CSNK2A2: variants seen among roughly 807,000 people sequenced by gnomAD.
The protein encoded by CSNK2A2 is casein kinase 2 alpha 2.
A neutral mutation model predicts 54.0 loss-of-function variants in CSNK2A2; 8 were observed. The observed-to-expected ratio is 0.15, with a 90% confidence interval of 0.09 to 0.27. The LOEUF (loss-of-function observed/expected upper bound fraction) is 0.27. CSNK2A2 is among the 10% of genes least tolerant of loss of function. The probability of loss-of-function intolerance (pLI) is 1.00; values close to 1 mark genes in which losing one functional copy is unlikely to be tolerated. For missense variants in CSNK2A2, 242 were observed against 439.4 expected (o/e 0.55, Z 4.02); for synonymous variants, 141 against 153.9 (o/e 0.92, Z 0.62).
rs1320020045 is a variant in CSNK2A2 at position 58,198,096 on chromosome 16, A to G, written c.-360T>C. Reference sequence around the variant, plus strand: ...GGCAGCGGCGGCGGCAGCGGAGAAGAAGGAGGAGAGGAGGAGGAGGCGGAG... The same window carrying G: ...GGCAGCGGCGGCGGCAGCGGAGAAGGAGGAGGAGAGGAGGAGGAGGCGGAG... On this transcript the variant is annotated 5_prime_UTR_variant, in exon 1 of 12. Transcript: ENST00000262506. 2.7e-5 allele frequency among the ~76,000 whole-genome samples: 4 copies of G among 146,182 alleles called. No individual in the cohort carries two copies. In the South Asian group the frequency reaches 6.3e-4, roughly 23 times the overall value.
chr16:58,168,259 C>A (rs1961626587), intron 6 of CSNK2A2, among the ~76,000 whole-genome samples: 2 of 152,008 alleles, frequency 1.3e-5, no homozygotes, highest in Non-Finnish European at 1.5e-5. Flanking sequence ...AGTTGGATAT[C>A]AAAAATAGGA....
chr16:58,164,398 T>C (rs148375767), intron 10 of CSNK2A2, among the ~76,000 whole-genome samples: 36 of 152,338 alleles, frequency 2.4e-4, no homozygotes, highest in African/African-American at 7.5e-4. Flanking sequence ...CTAAGAGGCA[T>C]AGAAACTCTA....
intron 6 of CSNK2A2, among the ~76,000 whole-genome samples, chr16:58,168,121 C>A (rs1961619860): frequency 6.6e-6 from 1 of 152,086 alleles, no homozygotes; most frequent in African/African-American, 2.4e-5. Flanking sequence ...CATAGCTTTT[C>A]GTTATAAGCT....
rs1962139551 is a variant in CSNK2A2, at chr16:58,184,418, T to C, written c.319-108A>G. The C allele has an allele frequency of 5.6e-6, 4 of 711,746 alleles. No individual in the cohort carries two copies. In the Admixed American group the frequency reaches 1.0e-4, roughly 18 times the overall value. 44.1% of individuals were successfully genotyped at this position (711,746 alleles called of 1,614,324 possible). A position where few individuals can be genotyped will look rare whatever the true frequency, so the allele number is the denominator to read the frequency against. ...AATCCTACTTAGGTAACACAGGGATTCACTCATCAGGGACAGCCTGTCAAG... is the reference window on the plus strand; with the variant it reads ...AATCCTACTTAGGTAACACAGGGATCCACTCATCAGGGACAGCCTGTCAAG... On this transcript the variant is annotated intron_variant, in intron 3 of 11. Coordinates refer to ENST00000262506, the MANE Select transcript of CSNK2A2 (RefSeq NM_001896.4).
intron 5 of CSNK2A2, among the ~76,000 whole-genome samples, chr16:58,170,885 A>G (rs1961716104): frequency 6.6e-6 from 1 of 152,102 alleles, no homozygotes; most frequent in Non-Finnish European, 1.5e-5. Context: ...CATAATAACT[A>G]TCTTCATAAA....
At chr16:58,180,078 C>CAAAAAAA (rs71385152) in intron 4 of CSNK2A2, among the ~76,000 whole-genome samples, 1 of 90,996 alleles carries the variant, frequency 1.1e-5, no homozygotes, top group African/African-American at 3.9e-5. Context: ...GACTCCTTCT[C>CAAAAAAA]AAAAAAAAAA....
At chr16:58,167,042 C>G (rs1193860967) in intron 8 of CSNK2A2, among the ~76,000 whole-genome samples, 165 bp downstream of exon 8, 1 of 152,190 alleles carries the variant, frequency 6.6e-6, no homozygotes, top group Non-Finnish European at 1.5e-5. Context: ...TCTACTTCTG[C>G]GGACCTGGTA....
chr16:58,178,458 T>C (rs1351650171), intron 4 of CSNK2A2, among the ~76,000 whole-genome samples: 1 of 152,120 alleles, frequency 6.6e-6, no homozygotes, highest in East Asian at 1.9e-4. Flanking sequence ...AATTTTTTTG[T>C]ATTTTTAGTG....
chr16:58,192,618 C>A (rs866020978), intron 2 of CSNK2A2: 2 of 152,198 alleles, frequency 1.3e-5, no homozygotes, highest in Non-Finnish European at 1.5e-5. Context: ...TAGCAACTTA[C>A]CAAAGTCAAA....
At chr16:58,188,255 G>A (rs1255777943) in intron 2 of CSNK2A2, among the ~76,000 whole-genome samples, 1 of 152,200 alleles carries the variant, frequency 6.6e-6, no homozygotes, top group Non-Finnish European at 1.5e-5. Flanking sequence ...GATGACACCC[G>A]CTCTCCGCCC....
chr16:58,171,979 ATTTTTTTTTT>A (rs746200172), intron 5 of CSNK2A2, among the ~76,000 whole-genome samples: 8 of 66,184 alleles, frequency 1.2e-4, no homozygotes, highest in African/African-American at 4.2e-4. Flanking sequence ...ATATATATAT[ATTTTTTTTTT>A]TTTTTTTTTT....
chr16:58,195,936 A>G (rs1026697904), intron 2 of CSNK2A2, among the ~76,000 whole-genome samples: 2 of 152,238 alleles, frequency 1.3e-5, no homozygotes, highest in African/African-American at 4.8e-5. Flanking sequence ...CACTGTATCC[A>G]TACCACCTGA....
chr16:58,169,187 A>C (rs1179343168), intron 5 of CSNK2A2, among the ~76,000 whole-genome samples: 2 of 151,828 alleles, frequency 1.3e-5, no homozygotes, highest in African/African-American at 4.8e-5. Context: ...CGGCCTCCCA[A>C]GGTACTGGGA....
chr16:58,166,204 T>C (rs187558757), intron 9 of CSNK2A2, among the ~76,000 whole-genome samples: 5 of 152,226 alleles, frequency 3.3e-5, no homozygotes, highest in Admixed American at 6.5e-5. Flanking sequence ...CAAGAAGAAA[T>C]TGTAAGTCCA....
In CSNK2A2 at chr16:58,168,594, C is replaced by A; in HGVS notation, c.513+16G>T. Reference sequence around the variant, plus strand: ...GCCTTTTAATCAAGCTTGTTGCTGCCTGGCTGTAATGGTACCTTTTTCTGT... The same window carrying A: ...GCCTTTTAATCAAGCTTGTTGCTGCATGGCTGTAATGGTACCTTTTTCTGT... On this transcript the variant is annotated intron_variant, in intron 6 of 11. Transcript: ENST00000262506. The A allele has an allele frequency of 6.2e-7, 1 of 1,609,482 alleles. No individual in the cohort carries two copies. Among genetic ancestry groups the A allele is most frequent in the East Asian group, 2.2e-5 (1 of 44,824 alleles).
intron 7 of CSNK2A2, 120 bp from the exon 8 acceptor site, chr16:58,167,428 T>TA (rs869080441): frequency 7.1e-6 from 5 of 700,452 alleles, no homozygotes; most frequent in South Asian, 2.7e-5. Flanking sequence ...ATAATTTATT[T>TA]AAAAAAAATT....
intron 5 of CSNK2A2, among the ~76,000 whole-genome samples, chr16:58,169,671 T>A (rs960346932): frequency 6.6e-6 from 1 of 152,180 alleles, no homozygotes; most frequent in Non-Finnish European, 1.5e-5. Flanking sequence ...GCTTATTTTG[T>A]ACATAAGGGT....
At chr16:58,183,389 A>G (rs1962112494) in intron 4 of CSNK2A2, among the ~76,000 whole-genome samples, 1 of 151,910 alleles carries the variant, frequency 6.6e-6, no homozygotes, top group Non-Finnish European at 1.5e-5. Context: ...AAAAAAAAAA[A>G]AAAGTGTGAG....
chr16:58,176,176 A>G (rs887441367), intron 4 of CSNK2A2, among the ~76,000 whole-genome samples: 11 of 152,346 alleles, frequency 7.2e-5, no homozygotes, highest in Admixed American at 1.3e-4. Context: ...TACGCTATGA[A>G]AGAGAAAAGA....
Sources: gnomAD v4.1 joint callset for allele counts (sites outside exome capture counted in the v4.1 genomes callset) on GRCh38, gnomAD v4.1.1 for gene constraint, MANE v1.5 for transcripts, NCBI Gene and HGNC (gene_info 2026-07-23, HGNC 2026-07-21) for gene names.